The following NCOA6 variants were observed in gnomAD, a reference collection of about 807,000 sequenced individuals.
The protein encoded by NCOA6 is nuclear receptor coactivator 6.
Under a neutral mutation model 171.4 loss-of-function variants are expected in NCOA6, and 49 were observed. The ratio of observed to expected loss-of-function variants is 0.29; its 90% CI spans 0.23 to 0.36. NCOA6 has a LOEUF of 0.36. Ranked by LOEUF, NCOA6 falls within the 10% of genes least tolerant of loss-of-function variation. The pLI is 1.00. For missense variants in NCOA6, 2,248 were observed against 2,554.5 expected (o/e 0.88, Z 2.59); for synonymous variants, 910 against 927.5 (o/e 0.98, Z 0.34).
chr20:34,779,201 GCA>G (rs1427698975), intron 3 of NCOA6, among the ~76,000 whole-genome samples: 1 of 152,016 alleles, frequency 6.6e-6, no homozygotes, highest in Non-Finnish European at 1.5e-5. Context: ...CAAATCCCAG[GCA>G]CAGTTAGCTG....
chr20:34,803,988 A>G (rs2078352025), intron 1 of NCOA6, among the ~76,000 whole-genome samples: 1 of 151,280 alleles, frequency 6.6e-6, no homozygotes, highest in Admixed American at 6.6e-5. Flanking sequence ...TTTAAAAAAA[A>G]AAACAAAAAA....
In NCOA6 at chr20:34,750,145, G is replaced by C. The variant is rs529337908; in HGVS notation, c.2050C>G (p.Leu684Val). Residue 684 changes from leucine to valine, a missense_variant, in exon 9 of 15, where the codon CTT (leucine) becomes GTT (valine). Physicochemically the swap from Leu to Val is conservative, Grantham distance 32. Around this residue, in one of 7 missense-constraint regions of NCOA6, gnomAD observed 987 missense variants for 1,104.7 expected, o/e 0.89. Transcript: ENST00000359003. The stretch of plus-strand genomic sequence containing the variant: ...ATCATTTGTGGGCCCTGCTGGGAAA[G>C]CATCTGCTTGGGTGGGGTCATCCTT... ...PQRMTPPKQM[L>V]SQQGPQMMAP... The C allele has an allele frequency of 6.2e-7, 1 of 1,613,968 alleles. No individual in the cohort carries two copies. Among genetic ancestry groups the C allele is most frequent in the East Asian group, 2.2e-5 (1 of 44,888 alleles).
At chr20:34,790,468 C>A (rs1209861012) in intron 2 of NCOA6, among the ~76,000 whole-genome samples, 4 of 152,070 alleles carry the variant, frequency 2.6e-5, no homozygotes, top group Non-Finnish European at 5.9e-5. Context: ...CATTCTCCTG[C>A]CTCAACCTCC....
Position 34,776,324 on chromosome 20 carries a change from C to G in NCOA6, c.360G>C (p.Arg120=), listed in dbSNP as rs746322489. The G allele has an allele frequency of 6.2e-7, 1 of 1,613,926 alleles. No homozygotes were observed. Among genetic ancestry groups the G allele is most frequent in the South Asian group, 1.1e-5 (1 of 91,068 alleles). ...TCTGAACGGAGAGAATCCCTAAATC[C>G]CGAAGCTGCTGGTTGTTGCTCTGAG... ...ILAQSNNQQL[R]DLGILSVQIE... The change falls in exon 4 of 15, where the codon CGG becomes CGC. Residue 120 remains arginine, a synonymous_variant. Coordinates refer to ENST00000359003, the MANE Select transcript of NCOA6 (RefSeq NM_014071.5).
chr20:34,751,268 G>C (rs894781225), intron 8 of NCOA6, among the ~76,000 whole-genome samples: 5 of 148,558 alleles, frequency 3.4e-5, no homozygotes, highest in Admixed American at 6.8e-5. Context: ...TACTCGGGAG[G>C]CTGAGGCAGG....
chr20:34,773,742 T>C (rs956359346), intron 4 of NCOA6, among the ~76,000 whole-genome samples: 1 of 152,240 alleles, frequency 6.6e-6, no homozygotes, highest in Non-Finnish European at 1.5e-5. Flanking sequence ...CAGGCTGGTC[T>C]CAAACTCCTC....
chr20:34,806,053 A>G (rs1416386762), intron 1 of NCOA6, among the ~76,000 whole-genome samples: 3 of 152,196 alleles, frequency 2.0e-5, no homozygotes, highest in Non-Finnish European at 4.4e-5. Flanking sequence ...TTACATTCCA[A>G]TCAACAGTAT....
Position 34,765,102 on chromosome 20 carries a change from T to C in NCOA6, c.514+3362A>G, listed in dbSNP as rs1006839429. ...TGCCACAGTACTCCAGCCTGGGTGATGGAGTGAGACTGCTTCACAAGAAAA... is the reference window on the plus strand; with the variant it reads ...TGCCACAGTACTCCAGCCTGGGTGACGGAGTGAGACTGCTTCACAAGAAAA... On this transcript the variant is annotated intron_variant, in intron 5 of 14. Coordinates refer to ENST00000359003, the MANE Select transcript of NCOA6 (RefSeq NM_014071.5). Among the ~76,000 whole-genome samples the C allele has an allele frequency of 2.7e-5, 4 of 147,794 alleles. No individual in the cohort carries two copies. In the East Asian group the frequency reaches 6.0e-4, roughly 22 times the overall value.
At position 34,749,730 on chromosome 20, in the gene NCOA6, C is replaced by G. The variant is rs1401185206; in HGVS notation, c.2465G>C (p.Ser822Thr). The G allele has an allele frequency of 2.5e-6, 4 of 1,614,086 alleles. No individual in the cohort carries two copies. Among genetic ancestry groups the G allele is most frequent in the Non-Finnish European group, 3.4e-6 (4 of 1,180,038 alleles). The change falls in exon 9 of 15, where the codon AGC becomes ACC. Residue 822 changes from serine (S) to threonine (T), a missense_variant. Around this residue, in one of 7 missense-constraint regions of NCOA6, gnomAD observed 987 missense variants for 1,104.7 expected, o/e 0.89. Coordinates refer to ENST00000359003, the MANE Select transcript of NCOA6 (RefSeq NM_014071.5). ...GGGGACCATGTTGGTTTGTTGAATG[C>G]TAACATCAGGCATCATCTGAGATAA... ...VSLSQMMPDV[S>T]IQQTNMVPPH...
intron 1 of NCOA6, among the ~76,000 whole-genome samples, chr20:34,805,186 G>A (rs946810017): frequency 4.5e-4 from 68 of 151,894 alleles, no homozygotes; most frequent in African/African-American, 1.6e-3. Flanking sequence ...TTTCAGGCGC[G>A]CACTACCACG....
chr20:34,791,532 C>A (rs1180092896), intron 2 of NCOA6, among the ~76,000 whole-genome samples: 3 of 152,126 alleles, frequency 2.0e-5, no homozygotes, highest in Non-Finnish European at 2.9e-5. Context: ...ACTGCTCACC[C>A]TGGCAGAAAT....
chr20:34,795,744 T>C (rs1251378198), intron 1 of NCOA6, among the ~76,000 whole-genome samples: 2 of 152,210 alleles, frequency 1.3e-5, no homozygotes, highest in South Asian at 4.1e-4. Flanking sequence ...GGAAACTGAA[T>C]GTGAACTGAG....
At chr20:34,801,255 T>C (rs1266674859) in intron 1 of NCOA6, among the ~76,000 whole-genome samples, 1 of 151,954 alleles carries the variant, frequency 6.6e-6, no homozygotes, top group African/African-American at 2.4e-5. Context: ...ATTAAAAAAG[T>C]AGAAAAATTT....
chr20:34,783,902 G>C (rs984357408), intron 2 of NCOA6, among the ~76,000 whole-genome samples: 3 of 152,104 alleles, frequency 2.0e-5, no homozygotes, highest in Admixed American at 2.0e-4. Flanking sequence ...AGAATTACAG[G>C]CGTGAGCCAC....
At chr20:34,805,160 T>C (rs1292875733) in intron 1 of NCOA6, among the ~76,000 whole-genome samples, 1 of 151,906 alleles carries the variant, frequency 6.6e-6, no homozygotes, top group Non-Finnish European at 1.5e-5. Context: ...TGCCTCAGTC[T>C]CCCTAGCAGC....
At chr20:34,740,253 C>T (rs112481527) in intron 11 of NCOA6, 110 bp downstream of exon 11, 16 of 1,347,940 alleles carry the variant, frequency 1.2e-5, no homozygotes, top group African/African-American at 1.5e-5. Context: ...CTGCTATTGC[C>T]ATTTAGCCCA....
intron 1 of NCOA6, chr20:34,819,369 T>C (rs2078935992): frequency 6.6e-6 from 1 of 152,220 alleles, no homozygotes. Flanking sequence ...TTCCAATTTT[T>C]CAAGGTTAAG....
At chr20:34,824,328 A>G (rs577537272) in intron 1 of NCOA6, among the ~76,000 whole-genome samples, 9 of 152,342 alleles carry the variant, frequency 5.9e-5, no homozygotes, top group Admixed American at 4.6e-4. Context: ...CTCTGCCACT[A>G]ACTTGTAAGA....
In NCOA6 at chr20:34,821,490, C is replaced by T. The variant is rs575481793; in HGVS notation, c.-164+3982G>A. 2.6e-5 allele frequency: 4 copies of T among 152,250 alleles called. No homozygotes were observed. The South Asian group carries it at 8.3e-4, about 32-fold the overall frequency. 9.4% of individuals were successfully genotyped at this position (152,250 alleles called of 1,614,324 possible). On this transcript the variant is annotated intron_variant, in intron 1 of 14. Transcript: ENST00000359003. ...TTCCTTAACCAAAAACTACACCACA[C>T]TTGACAGCTTTGCAATGGTTTCCAA...
Sources: gnomAD v4.1 joint callset for allele counts (sites outside exome capture counted in the v4.1 genomes callset) on GRCh38, gnomAD v4.1.1 for gene constraint, gnomAD v4.1.1 regional missense constraint, MANE v1.5 for transcripts, NCBI Gene and HGNC (gene_info 2026-07-23, HGNC 2026-07-21) for gene names.